Variants in GLRB observed in about 807,000 individuals in gnomAD.
GLRB encodes glycine receptor beta.
Under a neutral mutation model 54.2 loss-of-function variants are expected in GLRB, and 33 were observed. The ratio of observed to expected loss-of-function variants is 0.61; its 90% confidence interval spans 0.46 to 0.81. The LOEUF (loss-of-function observed/expected upper bound fraction) is 0.81. Among genes scored for constraint, GLRB ranks in the 40% least tolerant of loss-of-function variants. GLRB has a pLI of 0.00. For missense variants in GLRB, 572 were observed against 584.6 expected (o/e 0.98, Z 0.22); for synonymous variants, 209 against 208.2 (o/e 1.00, Z -0.03).
chr4:157,076,727 G>C (rs1270917118), intron 1 of GLRB, among the ~76,000 whole-genome samples: 2 of 151,828 alleles, frequency 1.3e-5, no homozygotes, highest in East Asian at 3.9e-4. Flanking sequence ...CCTCCTTTTT[G>C]CGGGGGCAAG....
intron 2 of GLRB, among the ~76,000 whole-genome samples, chr4:157,089,688 T>C (rs948205559): frequency 6.6e-6 from 1 of 152,216 alleles, no homozygotes; most frequent in African/African-American, 2.4e-5. Flanking sequence ...TTCTTTTAGC[T>C]TCTTGCTTAT....
intron 4 of GLRB, among the ~76,000 whole-genome samples, chr4:157,131,340 G>C (rs1736209015): frequency 6.6e-6 from 1 of 151,630 alleles, no homozygotes; most frequent in Admixed American, 6.6e-5. Flanking sequence ...CATTATTGTA[G>C]CTTTATTCAT....
At chr4:157,155,501 A>G (rs1397926832) in intron 9 of GLRB, among the ~76,000 whole-genome samples, 1 of 152,068 alleles carries the variant, frequency 6.6e-6, no homozygotes, top group Non-Finnish European at 1.5e-5. Flanking sequence ...CCTTTATCTG[A>G]GAATGTCTTG....
At chr4:157,161,235 A>T (rs1737475357) in intron 9 of GLRB, among the ~76,000 whole-genome samples, 1 of 152,164 alleles carries the variant, frequency 6.6e-6, no homozygotes, top group Non-Finnish European at 1.5e-5. Context: ...TCTGCACATG[A>T]GATGGGTCTC....
chr4:157,163,944 T>A (rs1352620822), intron 9 of GLRB, among the ~76,000 whole-genome samples: 1 of 152,080 alleles, frequency 6.6e-6, no homozygotes, highest in African/African-American at 2.4e-5. Context: ...AGAAGTCCTC[T>A]ATGCTTTTCG....
intron 9 of GLRB, among the ~76,000 whole-genome samples, chr4:157,162,357 A>T (rs1473621130): frequency 6.6e-6 from 1 of 152,204 alleles, no homozygotes; most frequent in East Asian, 1.9e-4. Context: ...GTCATTCTCC[A>T]TCCAGCTTTG....
chr4:157,097,265 T>G (rs1449403705), intron 2 of GLRB, among the ~76,000 whole-genome samples: 1 of 152,208 alleles, frequency 6.6e-6, no homozygotes, highest in Non-Finnish European at 1.5e-5. Flanking sequence ...GATTTCTCTT[T>G]CTCTACATGT....
chr4:157,092,179 A>C (rs933726142), intron 2 of GLRB, among the ~76,000 whole-genome samples: 6 of 152,272 alleles, frequency 3.9e-5, no homozygotes, highest in African/African-American at 1.4e-4. Flanking sequence ...ATTGAGATAA[A>C]AGTTTATTCT....
chr4:157,084,577 TTC>T (rs2126430050), intron 2 of GLRB: 2 of 456,074 alleles, frequency 4.4e-6, no homozygotes, highest in East Asian at 1.4e-4. Context: ...AAAATGTGAT[TTC>T]TTTGTTAGTT....
intron 2 of GLRB, among the ~76,000 whole-genome samples, chr4:157,102,138 T>C (rs1735054337): frequency 6.6e-6 from 1 of 152,220 alleles, no homozygotes; most frequent in Non-Finnish European, 1.5e-5. Context: ...TATGTATACA[T>C]ACAGTGTGGA....
In GLRB at chr4:157,142,390, T is replaced by A. The variant is rs550597110; in HGVS notation, c.752-1417T>A. 8.5e-5 allele frequency among the ~76,000 whole-genome samples: 13 copies of A among 152,288 alleles called. No individual in the cohort carries two copies. In the South Asian group the frequency reaches 2.5e-3, roughly 29 times the overall value. On this transcript the variant is annotated intron_variant, in intron 7 of 9. Transcript: ENST00000264428. Reference sequence around the variant, plus strand: ...GGAAGCATTTGGCATAAATAGAATTTGCTTCAGTCGAAAGCAACTATTTTT... The same window carrying A: ...GGAAGCATTTGGCATAAATAGAATTAGCTTCAGTCGAAAGCAACTATTTTT...
At chr4:157,100,648 G>A (rs181588498) in intron 2 of GLRB, among the ~76,000 whole-genome samples, 1 of 151,962 alleles carries the variant, frequency 6.6e-6, no homozygotes, top group Non-Finnish European at 1.5e-5. Context: ...ACATAGTATG[G>A]ACTCAATTAT....
chr4:157,130,271 A>G (rs570621469), intron 4 of GLRB, among the ~76,000 whole-genome samples: 6 of 151,572 alleles, frequency 4.0e-5, no homozygotes, highest in African/African-American at 1.2e-4. Flanking sequence ...GAAAGTAGTC[A>G]GTGTTTTTGT....
At chr4:157,082,989 T>TAC (rs1491047953) in intron 2 of GLRB, among the ~76,000 whole-genome samples, 16 of 142,750 alleles carry the variant, frequency 1.1e-4, no homozygotes, top group Admixed American at 2.1e-4. Flanking sequence ...TATATATATA[T>TAC]ACACACATAC....
intron 6 of GLRB, 51 bp downstream of exon 6, chr4:157,136,937 C>G (rs1736427126): frequency 9.4e-7 from 1 of 1,062,462 alleles, no homozygotes; most frequent in Non-Finnish European, 1.5e-6. Flanking sequence ...TTTAAAATGT[C>G]TGGGTAATAC....
intron 4 of GLRB, among the ~76,000 whole-genome samples, chr4:157,127,209 A>G (rs1435889531): frequency 1.3e-5 from 2 of 151,700 alleles, no homozygotes; most frequent in Non-Finnish European, 2.9e-5. Flanking sequence ...TTTACTATTT[A>G]TATTTTGTTT....
At chr4:157,103,392 G>T (rs922232175) in intron 2 of GLRB, among the ~76,000 whole-genome samples, 2 of 152,146 alleles carry the variant, frequency 1.3e-5, no homozygotes, top group Admixed American at 6.6e-5. Context: ...TGCTTACCTT[G>T]AGGCCAGTGC....
intron 8 of GLRB, among the ~76,000 whole-genome samples, chr4:157,146,112 G>A (rs890753245): frequency 6.6e-6 from 1 of 151,830 alleles, no homozygotes; most frequent in Non-Finnish European, 1.5e-5. Context: ...CACCTCCCAG[G>A]TTCAAGTGAT....
At chr4:157,078,261 T>A in intron 2 of GLRB, 115 bp downstream of exon 2, 1 of 1,533,798 alleles carries the variant, frequency 6.5e-7, no homozygotes, top group Non-Finnish European at 8.8e-7. Flanking sequence ...GGAATGTATA[T>A]CCATCTGTTA....
Sources: gnomAD v4.1 joint callset for allele counts (sites outside exome capture counted in the v4.1 genomes callset) on GRCh38, gnomAD v4.1.1 for gene constraint, MANE v1.5 for transcripts, NCBI Gene and HGNC (gene_info 2026-07-23, HGNC 2026-07-21) for gene names.